ZNF75A: variants seen among roughly 807,000 people sequenced by gnomAD.
The protein encoded by ZNF75A is zinc finger protein 75A.
In ZNF75A, 36 loss-of-function variants were observed where a neutral mutation model predicts 46.3. The ratio of observed to expected loss-of-function variants is 0.78; its 90% CI spans 0.60 to 1.03. The LOEUF (loss-of-function observed/expected upper bound fraction) is 1.03. ZNF75A is among the 50% of genes least tolerant of loss of function. ZNF75A has a pLI of 0.00. For synonymous variants in ZNF75A, 234 were observed against 189.9 expected (o/e 1.23, Z -1.91); for missense variants, 595 against 551.3 (o/e 1.08, Z -0.79).
At position 3,318,205 on chromosome 16, in the gene ZNF75A, T is replaced by C. The variant is rs1358549998; in HGVS notation, c.*336T>C. 9.7e-7 allele frequency: 1 copy of C among 1,028,362 alleles called. No homozygotes were observed. Among genetic ancestry groups the C allele is most frequent in the Admixed American group, 5.4e-5 (1 of 18,426 alleles). The allele number at this position is 1,028,362 out of a possible 1,614,324, so 63.7% of individuals were successfully genotyped here. The stretch of plus-strand genomic sequence containing the variant: ...CTCTTCACAGTAGCAGGCTTACCAA[T>C]TTCCATAGTCTCATGAGGCCGAAAT... On this transcript the variant is annotated 3_prime_UTR_variant, in exon 7 of 7. Coordinates refer to ENST00000669516, the MANE Select transcript of ZNF75A (RefSeq NM_001302109.2).
At chr16:3,319,794 T>TA (rs1567275761), downstream of ZNF75A, among the ~76,000 whole-genome samples, 3 of 108,746 alleles carry the variant, frequency 2.8e-5, no homozygotes, top group Admixed American at 8.8e-5. Context: ...TTTTTTTTTT[T>TA]TTATTTTTTT....
rs181206061 is a variant in ZNF75A, at chr16:3,308,494, C to G, written c.66C>G (p.Thr22=). The change falls in exon 2 of 7, where the codon ACC becomes ACG. Residue 22 remains threonine, a synonymous_variant. Transcript: ENST00000669516. ...CTCAGATCAGGGCTTTGTGGGAGAC[C>G]AAGGGGCCTGCAAGAGAGAGCTCCG... is the stretch of plus-strand genomic sequence containing the variant. ...LDPQIRALWE[T]KGPARESSGQ... The G allele has an allele frequency of 6.1e-6, 6 of 985,688 alleles. No individual in the cohort carries two copies. Among genetic ancestry groups the G allele is most frequent in the Non-Finnish European group, 6.0e-6 (5 of 829,950 alleles). The allele number at this position is 985,688 out of a possible 1,614,324, so 61.1% of individuals were successfully genotyped here. A position where few individuals can be genotyped will look rare whatever the true frequency, so the allele number is the denominator to read the frequency against.
At chr16:3,309,998 G>A (rs1221081866) in intron 2 of ZNF75A, among the ~76,000 whole-genome samples, 1 of 151,956 alleles carries the variant, frequency 6.6e-6, no homozygotes, top group Non-Finnish European at 1.5e-5. Flanking sequence ...AAGAGGTTGA[G>A]GTGAGAGAAT....
intron 2 of ZNF75A, 40 bp from the exon 3 acceptor site, chr16:3,311,713 A>G: frequency 2.9e-6 from 3 of 1,028,148 alleles, no homozygotes; most frequent in Non-Finnish European, 3.5e-6. Context: ...CACAAACCAA[A>G]AGTAAGTTCT....
rs1472611265 is a variant in ZNF75A at position 3,313,048 on chromosome 16, G to A, written c.697-1G>A. 3 of 1,611,266 alleles carry A rather than the reference G, an allele frequency of 1.9e-6. No individual in the cohort carries two copies. The highest frequency in any genetic ancestry group is 2.7e-5 in the African/African-American group (2 of 74,822). On this transcript the variant is annotated splice_acceptor_variant, in intron 4 of 6. Coordinates refer to ENST00000669516, the MANE Select transcript of ZNF75A (RefSeq NM_001302109.2). LOFTEE classifies it high-confidence loss of function. ...GAGCTGAAGTCCATTCTCTTCTTTA[G>A]AGCTTGTTGACATTTGAAGAAGTGG...
intron 2 of ZNF75A, chr16:3,309,479 A>C (rs865813380): frequency 2.1e-5 from 3 of 141,654 alleles, no homozygotes; most frequent in African/African-American, 9.4e-5. Flanking sequence ...AAAAAACAAA[A>C]AAAAAACGGG....
At chr16:3,306,887 A>G (rs1473148200) in intron 1 of ZNF75A, 1 of 152,072 alleles carries the variant, frequency 6.6e-6, no homozygotes, top group Non-Finnish European at 1.5e-5. Context: ...ACCCGCTGTC[A>G]ACTGCCATCC....
Position 3,308,805 on chromosome 16 carries a change from TG to T in ZNF75A, c.378del (p.Leu126PhefsTer35). On this transcript the variant is annotated frameshift_variant, in exon 2 of 7. Coordinates refer to ENST00000669516, the MANE Select transcript of ZNF75A (RefSeq NM_001302109.2). LOFTEE classifies it high-confidence loss of function. ...IEEAVALVEH[L>X]QRESGQTWNG... ...GAGGCTGTGGCTCTGGTAGAACACT[TG>T]CAGAGGGAATCTGGTCAAACATGGA... The T allele has an allele frequency of 1.0e-6, 1 of 986,118 alleles. No homozygotes were observed. The highest frequency in any genetic ancestry group is 1.2e-6 in the Non-Finnish European group (1 of 830,084). The allele number at this position is 986,118 out of a possible 1,614,324, so 61.1% of individuals were successfully genotyped here.
chr16:3,317,809 A>G lies in ZNF75A; in HGVS notation c.1554A>G (p.Ile518Met), dbSNP rs926280639. The G allele has an allele frequency of 3.1e-6, 5 of 1,613,790 alleles. No individual in the cohort carries two copies. The highest frequency in any genetic ancestry group is 3.4e-6 in the Non-Finnish European group (4 of 1,179,842). Reference protein sequence around the residue: ...HTGEQPYTCSICRRNFSRRSS... With the variant: ...HTGEQPYTCSMCRRNFSRRSS... ...GTGAGCAGCCATATACTTGTAGCATATGCAGGAGAAACTTCAGCAGGCGGT... is the reference window on the plus strand; with the variant it reads ...GTGAGCAGCCATATACTTGTAGCATGTGCAGGAGAAACTTCAGCAGGCGGT... Residue 518 changes from isoleucine to methionine, a missense_variant, in exon 7 of 7, where the codon ATA becomes ATG. Physicochemically the swap from Ile to Met is conservative, Grantham distance 10 (BLOSUM62 1). Transcript: ENST00000669516.
rs1961339385 is a variant in ZNF75A at position 3,317,773 on chromosome 16, A to T, written c.1518A>T (p.Arg506Ser). 6.2e-7 allele frequency: 1 copy of T among 1,614,104 alleles called. No homozygotes were observed. Among genetic ancestry groups the T allele is most frequent in the African/African-American group, 1.3e-5 (1 of 74,944 alleles). ...SQNSHLIKHR[R>S]THTGEQPYTC... is the part of the protein sequence containing the mutation. ...ACTCCCACCTTATTAAACACCGGAG[A>T]ACCCACACAGGTGAGCAGCCATATA... Residue 506 changes from arginine to serine, a missense_variant, in exon 7 of 7, where the codon AGA (arginine) becomes AGT (serine). Arg to Ser is a moderately radical substitution (Grantham distance 110). Transcript: ENST00000669516.
At chr16:3,319,925 G>T (rs1037429640), downstream of ZNF75A, among the ~76,000 whole-genome samples, 1 of 152,090 alleles carries the variant, frequency 6.6e-6, no homozygotes, top group African/African-American at 2.4e-5. Flanking sequence ...CTGCATGGAG[G>T]GCGGCTATTC....
At position 3,317,501 on chromosome 16, in the gene ZNF75A, G is replaced by T. The variant is rs1330285725; in HGVS notation, c.1246G>T (p.Asp416Tyr). 30 of 1,613,818 alleles carry T rather than the reference G, an allele frequency of 1.9e-5. No homozygotes were observed. The highest frequency in any genetic ancestry group is 2.5e-5 in the Non-Finnish European group (30 of 1,179,972). ...TGGGAAAACCTTCAGAGTTAGCTCTGACCTTATTAAGCACCAAAGAATTCA... is the reference window on the plus strand; with the variant it reads ...TGGGAAAACCTTCAGAGTTAGCTCTTACCTTATTAAGCACCAAAGAATTCA... ...ECGKTFRVSS[D>Y]LIKHQRIHTE... The change falls in exon 7 of 7, where the codon GAC becomes TAC. Residue 416 changes from aspartate (D) to tyrosine (Y), a missense_variant. Transcript: ENST00000669516.
chr16:3,311,975 C>G, intron 3 of ZNF75A, 27 bp downstream of exon 3: 1 of 974,762 alleles, frequency 1.0e-6, no homozygotes, highest in Non-Finnish European at 1.2e-6. Context: ...TAATTTTCTT[C>G]TCCTGGGAGC....
chr16:3,313,262 T>G, intron 5 of ZNF75A, 87 bp downstream of exon 5: 1 of 1,397,016 alleles, frequency 7.2e-7, no homozygotes, highest in Non-Finnish European at 9.9e-7. Context: ...GTCTTACTGT[T>G]CCAGGAGCTG....
downstream of ZNF75A, among the ~76,000 whole-genome samples, chr16:3,322,548 C>G (rs1567277029): frequency 2.0e-5 from 3 of 152,172 alleles, no homozygotes; most frequent in Admixed American, 1.3e-4. Context: ...AGCAAGCTAC[C>G]TTTTGCATTG....
At chr16:3,319,081 A>T (rs1392626800), downstream of ZNF75A, among the ~76,000 whole-genome samples, 3 of 152,140 alleles carry the variant, frequency 2.0e-5, no homozygotes, top group African/African-American at 7.2e-5. Flanking sequence ...GTATATCAGG[A>T]AAGGGGTTAA....
chr16:3,321,520 T>A (rs1205306838), downstream of ZNF75A, among the ~76,000 whole-genome samples: 1 of 152,214 alleles, frequency 6.6e-6, no homozygotes, highest in African/African-American at 2.4e-5. Flanking sequence ...CAAGGGTCTC[T>A]GTTGCCCAGG....
intron 2 of ZNF75A, among the ~76,000 whole-genome samples, chr16:3,309,999 G>C (rs1960622277): frequency 6.6e-6 from 1 of 151,954 alleles, no homozygotes; most frequent in African/African-American, 2.4e-5. Flanking sequence ...AGAGGTTGAG[G>C]TGAGAGAATT....
At chr16:3,321,399 C>T (rs542390851), downstream of ZNF75A, among the ~76,000 whole-genome samples, 48 of 152,194 alleles carry the variant, frequency 3.2e-4, no homozygotes, top group African/African-American at 1.1e-3. Context: ...GTCCCCTGCA[C>T]TAGTCTAAGT....
Sources: allele counts gnomAD v4.1 joint callset (sites outside exome capture counted in the v4.1 genomes callset), GRCh38; gene constraint gnomAD v4.1.1; transcripts MANE v1.5; gene names NCBI Gene and HGNC (gene_info 2026-07-23, HGNC 2026-07-21).